The following KCNU1 variants were observed in gnomAD, a reference collection of about 807,000 sequenced individuals.
The protein encoded by KCNU1 is potassium calcium-activated channel subfamily U member 1.
Under a neutral mutation model 126.8 loss-of-function variants are expected in KCNU1, and 93 were observed. The observed-to-expected ratio is 0.73, with a 90% CI of 0.62 to 0.87. The LOEUF is 0.87. Ranked by LOEUF, KCNU1 falls within the 40% of genes least tolerant of loss-of-function variation. The pLI is 0.00. For synonymous variants in KCNU1, 523 were observed against 494.2 expected (o/e 1.06, Z -0.77); for missense variants, 1,330 against 1,367.1 (o/e 0.97, Z 0.43).
In KCNU1 at chr8:36,911,696, T is replaced by C. The variant is rs151205772; in HGVS notation, c.2521+577T>C. On this transcript the variant is annotated intron_variant, in intron 22 of 26. Transcript: ENST00000399881. ...GATGGTGAGGGAGATGCAAGGGTCT[T>C]TCCAGGATGGGGATCATGTCTCTTT... 3.3e-5 allele frequency among the ~76,000 whole-genome samples: 5 copies of C among 152,304 alleles called. No individual in the cohort carries two copies. In the East Asian group the frequency reaches 9.7e-4, roughly 29 times the overall value.
At chr8:36,816,286 T>C (rs1384035635) in intron 9 of KCNU1, among the ~76,000 whole-genome samples, 2 of 152,170 alleles carry the variant, frequency 1.3e-5, no homozygotes, top group African/African-American at 4.8e-5. Flanking sequence ...TGTTTTTATA[T>C]TATTTCTTCT....
intron 7 of KCNU1, among the ~76,000 whole-genome samples, chr8:36,810,702 C>T (rs1803679789): frequency 6.6e-6 from 1 of 152,080 alleles, no homozygotes; most frequent in Non-Finnish European, 1.5e-5. Context: ...AGAAAGGAAT[C>T]AATATGGCAC....
chr8:36,790,427 C>T (rs375790559), intron 2 of KCNU1, among the ~76,000 whole-genome samples: 5 of 149,480 alleles, frequency 3.3e-5, no homozygotes, highest in East Asian at 2.0e-4. Context: ...ATAAAACAGC[C>T]GATTACTTCA....
At chr8:36,902,055 G>A (rs1029200280) in intron 19 of KCNU1, among the ~76,000 whole-genome samples, 12 of 152,086 alleles carry the variant, frequency 7.9e-5, no homozygotes, top group African/African-American at 2.9e-4. Flanking sequence ...CATTTGCAAA[G>A]CATATGGCAG....
At chr8:36,911,564 C>G (rs79095520) in intron 22 of KCNU1, among the ~76,000 whole-genome samples, 103 of 152,192 alleles carry the variant, frequency 6.8e-4, no homozygotes, top group African/African-American at 2.4e-3. Flanking sequence ...AACCATGATT[C>G]TCTTTTACTT....
At chr8:36,859,514 C>T (rs777825931) in intron 18 of KCNU1, among the ~76,000 whole-genome samples, 5 of 152,084 alleles carry the variant, frequency 3.3e-5, no homozygotes, top group South Asian at 2.1e-4. Context: ...CTGTGGTTGG[C>T]GAAAAACATG....
intron 9 of KCNU1, 99 bp downstream of exon 9, chr8:36,815,786 A>C (rs1803888647): frequency 4.4e-6 from 3 of 677,914 alleles, no homozygotes. Context: ...TGTAGAACCC[A>C]AGGTGAATAT....
chr8:36,838,630 G>A lies in KCNU1; in HGVS notation c.1518+1685G>A, dbSNP rs562860063. Among the ~76,000 whole-genome samples the A allele has an allele frequency of 4.4e-3, 668 of 152,224 alleles. 2 individuals carry two copies. The Middle Eastern group carries it at 0.054, about 12-fold the overall frequency. On this transcript the variant is annotated intron_variant, in intron 14 of 26. Coordinates refer to ENST00000399881, the MANE Select transcript of KCNU1 (RefSeq NM_001031836.3). ...GGGAGTTGCTTGAACCCAGGAGGTG[G>A]GGGTTGCAGTGAGCTGAGATCACGC... is the stretch of plus-strand genomic sequence containing the variant.
chr8:36,795,781 C>T (rs1407967509), intron 2 of KCNU1: 1 of 152,276 alleles, frequency 6.6e-6, no homozygotes, highest in African/African-American at 2.4e-5. Flanking sequence ...AGATCCAGCT[C>T]ATCCTTTGCC....
At chr8:36,909,285 C>T in intron 20 of KCNU1, 26 bp from the exon 21 acceptor site, 1 of 1,458,838 alleles carries the variant, frequency 6.9e-7, no homozygotes. Context: ...ATGAAAATGA[C>T]CAGACTGTGG....
chr8:36,841,028 TC>T, intron 16 of KCNU1, 25 bp downstream of exon 16: 2 of 1,141,606 alleles, frequency 1.8e-6, no homozygotes, highest in Non-Finnish European at 2.5e-6. Flanking sequence ...GCTCATCTCT[TC>T]AGTTGTTTTT....
chr8:36,864,990 G>T (rs1805855500), intron 19 of KCNU1, among the ~76,000 whole-genome samples: 1 of 152,100 alleles, frequency 6.6e-6, no homozygotes, highest in Admixed American at 6.6e-5. Flanking sequence ...AAGAAGAGTT[G>T]GAGGAGGATG....
chr8:36,804,458 G>A (rs186382852), intron 3 of KCNU1, among the ~76,000 whole-genome samples: 15 of 152,252 alleles, frequency 9.9e-5, no homozygotes, highest in Admixed American at 2.6e-4. Flanking sequence ...AAACGCTGTC[G>A]TAGTTTCAGG....
intron 19 of KCNU1, among the ~76,000 whole-genome samples, chr8:36,886,528 G>A (rs1806710488): frequency 6.6e-6 from 1 of 152,158 alleles, no homozygotes; most frequent in African/African-American, 2.4e-5. Context: ...AGGAGAAGGG[G>A]TTGAGGTAGG....
At chr8:36,909,918 A>G (rs1807798875) in intron 21 of KCNU1, among the ~76,000 whole-genome samples, 1 of 152,192 alleles carries the variant, frequency 6.6e-6, no homozygotes. Context: ...ACCTAAGCTA[A>G]TACTGGCCAG....
At position 36,834,780 on chromosome 8, in the gene KCNU1, G is replaced by C. The variant is rs751751681; in HGVS notation, c.1213-6G>C. 1.3e-6 allele frequency: 2 copies of C among 1,596,768 alleles called. No individual in the cohort carries two copies. On this transcript the variant is annotated splice_polypyrimidine_tract_variant and splice_region_variant and intron_variant, in intron 11 of 26. Coordinates refer to ENST00000399881, the MANE Select transcript of KCNU1 (RefSeq NM_001031836.3). The stretch of plus-strand genomic sequence containing the variant: ...AAGATGGCTCCTGTCCGATCTTGAA[G>C]GGTAGGTGGAATCTGCAGAGGCATG...
intron 16 of KCNU1, among the ~76,000 whole-genome samples, chr8:36,844,596 GGGTCTATTCT>G (rs1805075939): frequency 6.6e-6 from 1 of 152,162 alleles, no homozygotes; most frequent in Non-Finnish European, 1.5e-5. Context: ...TATATAGCCT[GGGTCTATTCT>G]TGGCATAAGG....
At chr8:36,837,332 C>T (rs1005679181) in intron 14 of KCNU1, among the ~76,000 whole-genome samples, 2 of 151,352 alleles carry the variant, frequency 1.3e-5, no homozygotes, top group African/African-American at 2.4e-5. Context: ...AAATTAAATC[C>T]AAAATAATAA....
intron 19 of KCNU1, among the ~76,000 whole-genome samples, chr8:36,881,277 T>C (rs1806467996): frequency 6.6e-6 from 1 of 152,212 alleles, no homozygotes; most frequent in South Asian, 2.1e-4. Flanking sequence ...AGCATCTTGC[T>C]CTGTCATCTA....
Sources: allele counts gnomAD v4.1 joint callset (sites outside exome capture counted in the v4.1 genomes callset), GRCh38; gene constraint gnomAD v4.1.1; transcripts MANE v1.5; gene names NCBI Gene and HGNC (gene_info 2026-07-23, HGNC 2026-07-21).